Variants in KLHDC1 observed in about 807,000 individuals in gnomAD.
KLHDC1 encodes the protein kelch domain-containing protein 1.
A neutral mutation model predicts 68.3 loss-of-function variants in KLHDC1; 53 were observed. The observed-to-expected ratio is 0.78, with a 90% CI of 0.62 to 0.98. The LOEUF (loss-of-function observed/expected upper bound fraction) is 0.98. Ranked by LOEUF, KLHDC1 falls within the 50% of genes least tolerant of loss-of-function variation. The pLI is 0.00. For missense variants in KLHDC1, 470 were observed against 492.3 expected (o/e 0.95, Z 0.43); for synonymous variants, 148 against 159.0 (o/e 0.93, Z 0.52).
chr14:49,732,154 T>C (rs1888824612), intron 8 of KLHDC1, among the ~76,000 whole-genome samples: 1 of 151,770 alleles, frequency 6.6e-6, no homozygotes, highest in Non-Finnish European at 1.5e-5. Context: ...GTATGCATTG[T>C]GCATTAACGG....
intron 5 of KLHDC1, 154 bp from the exon 6 acceptor site, chr14:49,725,532 G>C: frequency 1.9e-6 from 1 of 534,360 alleles, no homozygotes; most frequent in Non-Finnish European, 3.3e-6. Flanking sequence ...CGCTTTGGGA[G>C]GTACCCGTGT....
chr14:49,722,059 C>G (rs1425156870), intron 4 of KLHDC1, among the ~76,000 whole-genome samples: 15 of 152,184 alleles, frequency 9.9e-5, no homozygotes, highest in African/African-American at 3.4e-4. Flanking sequence ...TGACCCTGAT[C>G]CCTCCCTGAA....
intron 1 of KLHDC1, among the ~76,000 whole-genome samples, chr14:49,693,688 G>C (rs1184956303): frequency 6.6e-6 from 1 of 150,452 alleles, no homozygotes; most frequent in Non-Finnish European, 1.5e-5. Flanking sequence ...CCCACGGCGC[G>C]ATTCGAAATA....
At chr14:49,694,847 C>G (rs1331958821) in intron 1 of KLHDC1, among the ~76,000 whole-genome samples, 1 of 152,176 alleles carries the variant, frequency 6.6e-6, no homozygotes, top group African/African-American at 2.4e-5. Flanking sequence ...GAGCGAGACT[C>G]CGTCTCAAAA....
At chr14:49,731,758 G>A (rs775352115) in intron 8 of KLHDC1, among the ~76,000 whole-genome samples, 6 of 152,062 alleles carry the variant, frequency 3.9e-5, no homozygotes, top group African/African-American at 7.3e-5. Flanking sequence ...GCCCAGGATG[G>A]TCCGTCCAAC....
At chr14:49,700,385 C>G (rs1218094749) in intron 1 of KLHDC1, among the ~76,000 whole-genome samples, 1 of 151,926 alleles carries the variant, frequency 6.6e-6, no homozygotes, top group African/African-American at 2.4e-5. Context: ...GAGTTTGAGA[C>G]CAGCCTGAGC....
rs764747662 is a variant in KLHDC1 at position 49,723,961 on chromosome 14, G to A, written c.483+9G>A. The A allele has an allele frequency of 2.0e-6, 3 of 1,528,662 alleles. No individual in the cohort carries two copies. The East Asian group carries it at 6.8e-5, about 35-fold the overall frequency. 94.7% of individuals were successfully genotyped at this position (1,528,662 alleles called of 1,614,324 possible). Reference sequence around the variant, plus strand: ...TTCATGATGCATCTTGGGTAAGATAGTAATCACTGTTTACATTTTCCTCCA... The same window carrying A: ...TTCATGATGCATCTTGGGTAAGATAATAATCACTGTTTACATTTTCCTCCA... On this transcript the variant is annotated intron_variant, in intron 5 of 12. Coordinates refer to ENST00000359332, the MANE Select transcript of KLHDC1 (RefSeq NM_172193.3).
At chr14:49,742,672 TAAA>T (rs373370360) in intron 11 of KLHDC1, among the ~76,000 whole-genome samples, 2 of 72,032 alleles carry the variant, frequency 2.8e-5, no homozygotes, top group African/African-American at 5.9e-5. Context: ...GACTCCGTCC[TAAA>T]AAAAAAAAAA....
At chr14:49,714,173 A>C (rs1411397097) in intron 4 of KLHDC1, among the ~76,000 whole-genome samples, 2 of 151,610 alleles carry the variant, frequency 1.3e-5, no homozygotes, top group Non-Finnish European at 2.9e-5. Context: ...TTTTAAATAA[A>C]GTTTAAAAAT....
chr14:49,701,492 T>G (rs1449730006), intron 1 of KLHDC1, among the ~76,000 whole-genome samples: 1 of 151,878 alleles, frequency 6.6e-6, no homozygotes, highest in Admixed American at 6.6e-5. Flanking sequence ...AAACCCCGTC[T>G]CTACTAAAAA....
intron 6 of KLHDC1, among the ~76,000 whole-genome samples, chr14:49,726,258 G>C (rs1045932552): frequency 3.3e-5 from 5 of 152,186 alleles, no homozygotes; most frequent in African/African-American, 1.2e-4. Context: ...GATGGCACTT[G>C]TAGTCCCAAC....
At chr14:49,716,651 T>C (rs565605846) in intron 4 of KLHDC1, among the ~76,000 whole-genome samples, 6 of 152,238 alleles carry the variant, frequency 3.9e-5, no homozygotes, top group Admixed American at 2.0e-4. Flanking sequence ...CCCAAAGTGC[T>C]GGGATTACAG....
At chr14:49,714,243 G>A (rs911173214) in intron 4 of KLHDC1, among the ~76,000 whole-genome samples, 1 of 151,716 alleles carries the variant, frequency 6.6e-6, no homozygotes, top group African/African-American at 2.4e-5. Flanking sequence ...GGAGGCCGAG[G>A]CGCGCAGATC....
intron 8 of KLHDC1, among the ~76,000 whole-genome samples, chr14:49,732,039 A>C (rs1888821670): frequency 6.6e-6 from 1 of 152,226 alleles, no homozygotes; most frequent in Non-Finnish European, 1.5e-5. Context: ...AATCAGCTAA[A>C]AACACAAAAT....
chr14:49,699,845 G>T (rs1246580994), intron 1 of KLHDC1, among the ~76,000 whole-genome samples: 1 of 152,102 alleles, frequency 6.6e-6, no homozygotes, highest in African/African-American at 2.4e-5. Flanking sequence ...CCACATTACA[G>T]AAATTCACAC....
chr14:49,705,081 C>T (rs182358753), intron 1 of KLHDC1, among the ~76,000 whole-genome samples: 1 of 152,148 alleles, frequency 6.6e-6, no homozygotes, highest in Admixed American at 6.5e-5. Context: ...TAGAGAAGTA[C>T]ATTTAAGCTG....
intron 1 of KLHDC1, among the ~76,000 whole-genome samples, chr14:49,704,806 C>G (rs902668516): frequency 6.6e-6 from 1 of 151,994 alleles, no homozygotes; most frequent in African/African-American, 2.4e-5. Context: ...TAGGAATAAT[C>G]CAGTAGAGAA....
At chr14:49,731,737 G>A (rs995129182) in intron 8 of KLHDC1, among the ~76,000 whole-genome samples, 7 of 152,088 alleles carry the variant, frequency 4.6e-5, no homozygotes, top group Admixed American at 6.6e-5. Flanking sequence ...AAGAGACAAT[G>A]TCTCTATTTT....
At chr14:49,712,904 T>C (rs527484071) in intron 4 of KLHDC1, among the ~76,000 whole-genome samples, 2 of 151,622 alleles carry the variant, frequency 1.3e-5, no homozygotes, top group African/African-American at 4.8e-5. Context: ...CCTCCGAAAG[T>C]GCTGGGATTA....
Sources: gnomAD v4.1 joint callset for allele counts (sites outside exome capture counted in the v4.1 genomes callset) on GRCh38, gnomAD v4.1.1 for gene constraint, MANE v1.5 for transcripts, NCBI Gene and HGNC (gene_info 2026-07-23, HGNC 2026-07-21) for gene names.